The following PLCB4 variants were observed in gnomAD, a reference collection of about 807,000 sequenced individuals.
PLCB4 encodes the protein 1-phosphatidylinositol 4,5-bisphosphate phosphodiesterase beta-4.
Under a neutral mutation model 178.8 loss-of-function variants are expected in PLCB4, and 77 were observed. The observed-to-expected ratio is 0.43, with a 90% CI of 0.36 to 0.52. The LOEUF is 0.52. Ranked by LOEUF, PLCB4 falls within the 20% of genes least tolerant of loss-of-function variation. PLCB4 has a pLI of 0.00. For synonymous variants in PLCB4, 496 were observed against 490.8 expected (o/e 1.01, Z -0.14); for missense variants, 1,024 against 1,453.4 (o/e 0.70, Z 4.80).
At chr20:9,080,663 T>A (rs988447580) in intron 1 of PLCB4, among the ~76,000 whole-genome samples, 3 of 152,230 alleles carry the variant, frequency 2.0e-5, no homozygotes, top group African/African-American at 7.2e-5. Context: ...TGCTTTTGAC[T>A]GTGTTCACTC....
At chr20:9,250,046 C>G (rs1389221608) in intron 3 of PLCB4, among the ~76,000 whole-genome samples, 2 of 152,160 alleles carry the variant, frequency 1.3e-5, no homozygotes, top group Non-Finnish European at 2.9e-5. Flanking sequence ...AGAATAGTGT[C>G]TTCATATGCA....
intron 4 of PLCB4, among the ~76,000 whole-genome samples, chr20:9,322,448 A>G (rs1947771352): frequency 6.6e-6 from 1 of 152,246 alleles, no homozygotes; most frequent in South Asian, 2.1e-4. Flanking sequence ...TCTTAAAGCC[A>G]TAAATAGTAA....
At chr20:9,471,686 T>A (rs2044202277) in intron 36 of PLCB4, among the ~76,000 whole-genome samples, 1 of 152,150 alleles carries the variant, frequency 6.6e-6, no homozygotes, top group Admixed American at 6.6e-5. Flanking sequence ...GAAATGCAAG[T>A]TAAGACAATA....
At chr20:9,457,563 G>A (rs2043135205) in intron 34 of PLCB4, 74 bp downstream of exon 34, 1 of 791,938 alleles carries the variant, frequency 1.3e-6, no homozygotes, top group Non-Finnish European at 2.3e-6. Context: ...AGTACCTAGT[G>A]TAAATTAGAA....
intron 4 of PLCB4, among the ~76,000 whole-genome samples, chr20:9,312,353 T>TACAC (rs34443371): frequency 0.056 from 7,087 of 127,664 alleles, 251 homozygotes; most frequent in African/African-American, 0.091. Flanking sequence ...CCTTCCACCC[T>TACAC]ACACACACAC....
chr20:9,187,202 T>TG (rs1411067510), intron 2 of PLCB4, among the ~76,000 whole-genome samples: 1 of 152,082 alleles, frequency 6.6e-6, no homozygotes, highest in East Asian at 1.9e-4. Flanking sequence ...CTCAAACTCC[T>TG]GACCTCAAGT....
intron 33 of PLCB4, among the ~76,000 whole-genome samples, chr20:9,456,853 G>T (rs918813996): frequency 3.9e-5 from 6 of 152,186 alleles, no homozygotes; most frequent in Admixed American, 6.5e-5. Context: ...CAGCAGCGAT[G>T]TGGATATTCC....
intron 2 of PLCB4, among the ~76,000 whole-genome samples, chr20:9,175,833 A>T (rs1568896654): frequency 6.6e-6 from 1 of 152,180 alleles, no homozygotes. Context: ...TGAAAGGTCC[A>T]TTGGGCCTGT....
intron 3 of PLCB4, among the ~76,000 whole-genome samples, chr20:9,306,059 CTGT>C (rs1455622990): frequency 6.6e-6 from 1 of 152,122 alleles, no homozygotes; most frequent in East Asian, 1.9e-4. Flanking sequence ...CGTTCTTCTA[CTGT>C]TACTTTATTT....
intron 2 of PLCB4, among the ~76,000 whole-genome samples, chr20:9,167,062 C>T (rs2092985039): frequency 6.6e-6 from 1 of 151,718 alleles, no homozygotes; most frequent in Admixed American, 6.6e-5. Context: ...TTTCCTAAAC[C>T]TAACTGTAAC....
chr20:9,321,092 T>C (rs768285271), intron 4 of PLCB4, among the ~76,000 whole-genome samples: 12 of 152,208 alleles, frequency 7.9e-5, no homozygotes, highest in Non-Finnish European at 1.6e-4. Flanking sequence ...AAGAGACTTC[T>C]TTATCTAGGC....
intron 3 of PLCB4, among the ~76,000 whole-genome samples, chr20:9,231,440 G>C (rs1340003763): frequency 6.6e-6 from 1 of 152,144 alleles, no homozygotes; most frequent in African/African-American, 2.4e-5. Flanking sequence ...CTCTTGGAGA[G>C]AGCTGCCACC....
chr20:9,309,422 C>T (rs2147880561), intron 4 of PLCB4, among the ~76,000 whole-genome samples: 1 of 152,330 alleles, frequency 6.6e-6, no homozygotes, highest in Admixed American at 6.5e-5. Flanking sequence ...GAGGCGATAA[C>T]TTATTTTTTG....
At chr20:9,429,875 T>A (rs1378444822) in intron 28 of PLCB4, among the ~76,000 whole-genome samples, 1 of 152,210 alleles carries the variant, frequency 6.6e-6, no homozygotes, top group Non-Finnish European at 1.5e-5. Context: ...GGTATTCAAA[T>A]GCCATTCTTC....
intron 18 of PLCB4, 131 bp downstream of exon 18, chr20:9,393,809 T>C: frequency 7.8e-6 from 4 of 515,288 alleles, no homozygotes. Context: ...TTACAGGTAC[T>C]TTTCAGAGCA....
At chr20:9,326,929 TA>T (rs910105806) in intron 4 of PLCB4, among the ~76,000 whole-genome samples, 2 of 152,188 alleles carry the variant, frequency 1.3e-5, no homozygotes, top group Non-Finnish European at 2.9e-5. Flanking sequence ...AAGATCTGTG[TA>T]ACAGAAATGG....
rs191971441 is a variant in PLCB4, at chr20:9,140,953, C to T, written c.-79+44611C>T. Among the ~76,000 whole-genome samples, 292 of 152,112 alleles carry T rather than the reference C, an allele frequency of 1.9e-3. 1 individual carries two copies. Among genetic ancestry groups the T allele is most frequent in the Non-Finnish European group, 2.3e-3 (155 of 67,978 alleles). On this transcript the variant is annotated intron_variant, in intron 2 of 39. Coordinates refer to ENST00000378473, the MANE Select transcript of PLCB4 (RefSeq NM_001377142.1). ...TGATGAAAGAAGTTAAGACTAGCCTCGTTTCAGGGAATATAAGGACATAGT... is the reference window on the plus strand; with the variant it reads ...TGATGAAAGAAGTTAAGACTAGCCTTGTTTCAGGGAATATAAGGACATAGT...
chr20:9,192,011 G>A (rs1447771484), intron 2 of PLCB4, among the ~76,000 whole-genome samples: 2 of 151,978 alleles, frequency 1.3e-5, no homozygotes, highest in South Asian at 2.1e-4. Flanking sequence ...ACCACTGAGT[G>A]ATTAACGTGA....
intron 3 of PLCB4, among the ~76,000 whole-genome samples, chr20:9,302,094 T>C (rs927826688): frequency 1.3e-4 from 19 of 152,000 alleles, no homozygotes; most frequent in African/African-American, 4.3e-4. Flanking sequence ...AACCTTGAAA[T>C]ATCTTGTAAG....
Sources: gnomAD v4.1 joint callset for allele counts (sites outside exome capture counted in the v4.1 genomes callset) on GRCh38, gnomAD v4.1.1 for gene constraint, MANE v1.5 for transcripts, NCBI Gene and HGNC (gene_info 2026-07-23, HGNC 2026-07-21) for gene names.